FCER2: variants seen among roughly 807,000 people sequenced by gnomAD.
FCER2 encodes the protein Fc epsilon receptor II.
Under a neutral mutation model 49.7 loss-of-function variants are expected in FCER2, and 38 were observed. That is an observed-to-expected ratio of 0.76 (90% CI 0.59 to 1.00). The LOEUF is 1.00. Ranked by LOEUF, FCER2 falls within the 50% of genes least tolerant of loss-of-function variation. FCER2 has a pLI of 0.00. For missense variants in FCER2, 425 were observed against 419.5 expected, an observed-to-expected ratio of 1.01 and a Z score of -0.11; for synonymous variants, 163 against 164.6, an observed-to-expected ratio of 0.99 and a Z score of 0.07.
At chr19:7,698,554 G>A (rs972404368) in intron 3 of FCER2, 145 bp from the exon 4 acceptor site, 10 of 869,224 alleles carry the variant, frequency 1.2e-5, no homozygotes, top group Non-Finnish European at 1.1e-5. Flanking sequence ...TGCTGGGTGT[G>A]GGGTGAGGGG....
intron 8 of FCER2, among the ~76,000 whole-genome samples, chr19:7,693,750 G>A (rs2032943175): frequency 6.6e-6 from 1 of 151,966 alleles, no homozygotes; most frequent in African/African-American, 2.4e-5. Context: ...CCGGGTTCAA[G>A]CAATTCTCCT....
At position 7,697,599 on chromosome 19, in the gene FCER2, C is replaced by T. The variant is rs528343605; in HGVS notation, c.191-10G>A. 47 of 1,613,532 alleles carry T rather than the reference C, an allele frequency of 2.9e-5. No individual in the cohort carries two copies. Among genetic ancestry groups the T allele is most frequent in the African/African-American group, 2.3e-4 (17 of 74,986 alleles). Reference sequence around the variant, plus strand: ...TTGGAAACTTGAGAGACTGGAGCGGCGGGAGAGAAGAGATATCCCAGGAAC... The same window carrying T: ...TTGGAAACTTGAGAGACTGGAGCGGTGGGAGAGAAGAGATATCCCAGGAAC... On this transcript the variant is annotated splice_polypyrimidine_tract_variant and intron_variant, in intron 4 of 10. Transcript: ENST00000597921.
chr19:7,699,365 C>G (rs546985461), intron 2 of FCER2: 1 of 1,334,910 alleles, frequency 7.5e-7, no homozygotes, highest in Non-Finnish European at 9.8e-7. Flanking sequence ...GCCCCTGGCC[C>G]TCTGCACTCA....
intron 2 of FCER2, chr19:7,699,272 C>T: frequency 1.5e-6 from 1 of 648,528 alleles, no homozygotes; most frequent in Non-Finnish European, 2.4e-6. Flanking sequence ...TCCCCAGCCA[C>T]TTTCCCAGGT....
chr19:7,689,197 G>C lies in FCER2; in HGVS notation c.962C>G (p.Ser321Cys), dbSNP rs914142315. 7 of 1,605,162 alleles carry C rather than the reference G, an allele frequency of 4.4e-6. No homozygotes were observed. The highest frequency in any genetic ancestry group is 3.3e-5 in the Admixed American group (2 of 59,918). Residue 321 changes from serine to cysteine, a missense_variant, in exon 11 of 11, where the codon TCT (serine) becomes TGT (cysteine). Coordinates refer to ENST00000597921, the MANE Select transcript of FCER2 (RefSeq NM_001220500.2). ...RLPTPSAPLHS is the reference protein window; with the variant it reads ...RLPTPSAPLHC ...TGGGCCTGGCTGTATCCATGCTCAAGAGTGGAGAGGGGCAGAGGGGGTGGG... is the reference window on the plus strand; with the variant it reads ...TGGGCCTGGCTGTATCCATGCTCAACAGTGGAGAGGGGCAGAGGGGGTGGG...
chr19:7,690,552 C>T lies in FCER2; in HGVS notation c.475G>A (p.Val159Met). ...RMELQVSSGF[V>M]CNTCPEKWIN... Reference sequence around the variant, plus strand: ...CACTTTTCAGGGCACGTGTTGCACACAAAGCCTGGGGTGGAGGAGAGGCTC... The same window carrying T: ...CACTTTTCAGGGCACGTGTTGCACATAAAGCCTGGGGTGGAGGAGAGGCTC... Residue 159 changes from valine (V) to methionine (M), a missense_variant, in exon 9 of 11, where the codon GTG becomes ATG. Transcript: ENST00000597921. 6.2e-7 allele frequency: 1 copy of T among 1,613,800 alleles called. No individual in the cohort carries two copies. The highest frequency in any genetic ancestry group is 8.5e-7 in the Non-Finnish European group (1 of 1,179,866).
chr19:7,688,872 T>G lies in FCER2; in HGVS notation c.*321A>C. The G allele has an allele frequency of 3.0e-6, 1 of 334,168 alleles. No individual in the cohort carries two copies. The highest frequency in any genetic ancestry group is 5.6e-6 in the Non-Finnish European group (1 of 179,988). 20.7% of individuals were successfully genotyped at this position (334,168 alleles called of 1,614,324 possible). A position where few individuals can be genotyped will look rare whatever the true frequency, so the allele number is the denominator to read the frequency against. The stretch of plus-strand genomic sequence containing the variant: ...CTCAGGTCCTGGGGTGCTGAGGAGA[T>G]GGGGCTGCATCTGGAGAGGGTGCTG... On this transcript the variant is annotated 3_prime_UTR_variant, in exon 11 of 11. Coordinates refer to ENST00000597921, the MANE Select transcript of FCER2 (RefSeq NM_001220500.2).
intron 8 of FCER2, among the ~76,000 whole-genome samples, chr19:7,695,871 T>G (rs979868681): frequency 6.6e-6 from 1 of 151,336 alleles, no homozygotes; most frequent in African/African-American, 2.4e-5. Context: ...AAGCTATGAT[T>G]GCACCACTGC....
chr19:7,694,669 C>A (rs973256240), intron 8 of FCER2, among the ~76,000 whole-genome samples: 2 of 152,174 alleles, frequency 1.3e-5, no homozygotes, highest in African/African-American at 4.8e-5. Context: ...AAAGCCACTT[C>A]ACATCCCAGG....
rs1000481356 is a variant in FCER2, at chr19:7,698,611, A to G, written c.136+130T>C. The G allele has an allele frequency of 3.1e-6, 4 of 1,272,446 alleles. No individual in the cohort carries two copies. In the African/African-American group the frequency reaches 5.9e-5, roughly 19 times the overall value. The allele number at this position is 1,272,446 out of a possible 1,614,324, so 78.8% of individuals were successfully genotyped here. A position where few individuals can be genotyped will look rare whatever the true frequency, so the allele number is the denominator to read the frequency against. Reference sequence around the variant, plus strand: ...AAAGGGCTGGCAGTGGCAAGATGGGAGGCAGGATGGGAAAATTGGGTTTTG... The same window carrying G: ...AAAGGGCTGGCAGTGGCAAGATGGGGGGCAGGATGGGAAAATTGGGTTTTG... On this transcript the variant is annotated intron_variant, in intron 3 of 10. Coordinates refer to ENST00000597921, the MANE Select transcript of FCER2 (RefSeq NM_001220500.2).
intron 8 of FCER2, among the ~76,000 whole-genome samples, chr19:7,692,871 A>G (rs1476310424): frequency 2.0e-5 from 3 of 151,910 alleles, no homozygotes; most frequent in African/African-American, 7.3e-5. Flanking sequence ...AAACACCTTC[A>G]TATCCAATAA....
intron 8 of FCER2, among the ~76,000 whole-genome samples, chr19:7,696,180 A>G (rs796253658): frequency 2.0e-5 from 3 of 151,654 alleles, no homozygotes; most frequent in African/African-American, 7.3e-5. Flanking sequence ...GCTCACTGCA[A>G]CCTCCACCTC....
chr19:7,697,692 G>A (rs1323626954), intron 4 of FCER2, 103 bp from the exon 5 acceptor site: 1 of 854,006 alleles, frequency 1.2e-6, no homozygotes. Flanking sequence ...AGTCACAACA[G>A]CTGCTGTTGC....
Position 7,697,087 on chromosome 19 carries a change from A to C in FCER2, c.317-12T>G. ...GGACAGCTCCAAGTCTGGTGTGTGC[A>C]GGAGCGCAGGGCTGGTCTCAGGGAG... On this transcript the variant is annotated splice_polypyrimidine_tract_variant and intron_variant, in intron 6 of 10. Coordinates refer to ENST00000597921, the MANE Select transcript of FCER2 (RefSeq NM_001220500.2). 1 of 1,613,544 alleles carries C rather than the reference A, an allele frequency of 6.2e-7. No homozygotes were observed. Among genetic ancestry groups the C allele is most frequent in the Non-Finnish European group, 8.5e-7 (1 of 1,179,668 alleles).
chr19:7,690,123 A>G (rs1301281895), intron 10 of FCER2, 36 bp downstream of exon 10: 1 of 1,332,910 alleles, frequency 7.5e-7, no homozygotes, highest in African/African-American at 1.5e-5. Context: ...CGGTATTTCC[A>G]TCTCCTCCCC....
Position 7,690,081 on chromosome 19 carries a change from G to A in FCER2, c.728+78C>T, listed in dbSNP as rs566145810. ...ATCTCTGAGCCCTCATCCGCTTTCC[G>A]ATGCAGTTTATCTAGGGAGCTCCTC... is the stretch of plus-strand genomic sequence containing the variant. On this transcript the variant is annotated intron_variant, in intron 10 of 10. Transcript: ENST00000597921. 549 of 929,574 alleles carry A rather than the reference G, an allele frequency of 5.9e-4. 4 individuals are homozygous for A. The African/African-American group carries it at 7.4e-3, about 13-fold the overall frequency. 57.6% of individuals were successfully genotyped at this position (929,574 alleles called of 1,614,324 possible).
At chr19:7,692,726 C>T (rs927687078) in intron 8 of FCER2, among the ~76,000 whole-genome samples, 1 of 151,858 alleles carries the variant, frequency 6.6e-6, no homozygotes, top group East Asian at 1.9e-4. Flanking sequence ...CCACCAACAC[C>T]GTTATTATAA....
chr19:7,690,236 G>T lies in FCER2; in HGVS notation c.651C>A (p.Thr217=), dbSNP rs775906963. 1 of 1,613,866 alleles carries T rather than the reference G, an allele frequency of 6.2e-7. No homozygotes were observed. Among genetic ancestry groups the T allele is most frequent in the East Asian group, 2.2e-5 (1 of 44,886 alleles). ...QDFLTKHASH[T]GSWIGLRNLD... is the part of the protein sequence containing the mutation. ...AGTTCCGAAGGCCAATCCAGGAGCC[G>T]GTGTGGCTGGCATGCTTGGTCAGGA... The change falls in exon 10 of 11, where the codon ACC becomes ACA. Residue 217 remains threonine (T), a synonymous_variant. Coordinates refer to ENST00000597921, the MANE Select transcript of FCER2 (RefSeq NM_001220500.2).
chr19:7,688,965 G>A lies in FCER2; in HGVS notation c.*228C>T. The stretch of plus-strand genomic sequence containing the variant: ...CTCTCATCTGGAGAGGGTGCTGTTG[G>A]GGTGTACTCTCATCTGGAGAGGGTG... On this transcript the variant is annotated 3_prime_UTR_variant, in exon 11 of 11. Transcript: ENST00000597921. The A allele has an allele frequency of 5.3e-6, 3 of 569,200 alleles. No individual in the cohort carries two copies. Among genetic ancestry groups the A allele is most frequent in the Non-Finnish European group, 9.4e-6 (3 of 317,692 alleles). The allele number at this position is 569,200 out of a possible 1,614,324, so 35.3% of individuals were successfully genotyped here. A position where few individuals can be genotyped will look rare whatever the true frequency, so the allele number is the denominator to read the frequency against.
Sources: gnomAD v4.1 joint callset for allele counts (sites outside exome capture counted in the v4.1 genomes callset) on GRCh38, gnomAD v4.1.1 for gene constraint, MANE v1.5 for transcripts, NCBI Gene and HGNC (gene_info 2026-07-23, HGNC 2026-07-21) for gene names.